The following NPAS3 variants were observed in gnomAD, a reference collection of about 807,000 sequenced individuals.
NPAS3 encodes neuronal PAS domain-containing protein 3.
Under a neutral mutation model 73.1 loss-of-function variants are expected in NPAS3, and 14 were observed. That is an observed-to-expected ratio of 0.19 (90% CI 0.13 to 0.30). NPAS3 has a LOEUF of 0.30. Among genes scored for constraint, NPAS3 ranks in the 10% least tolerant of loss-of-function variants. The pLI, the probability that NPAS3 is intolerant of heterozygous loss-of-function variation, is 1.00. For synonymous variants in NPAS3, 620 were observed against 541.5 expected (o/e 1.14, Z -2.01); for missense variants, 1,096 against 1,250.0 (o/e 0.88, Z 1.86).
chr14:32,975,869 G>T (rs1179263354), intron 1 of NPAS3, among the ~76,000 whole-genome samples: 2 of 101,846 alleles, frequency 2.0e-5, no homozygotes, highest in African/African-American at 5.8e-5. Flanking sequence ...GCGTGTGTGT[G>T]TGTGTGTGTG....
chr14:33,399,923 G>A (rs1050916664), intron 4 of NPAS3, among the ~76,000 whole-genome samples: 4 of 151,850 alleles, frequency 2.6e-5, no homozygotes, highest in Non-Finnish European at 4.4e-5. Flanking sequence ...TCTGTACTTC[G>A]GTTTCCTCAA....
chr14:33,798,489 A>G (rs956883025), intron 11 of NPAS3, among the ~76,000 whole-genome samples: 7 of 152,210 alleles, frequency 4.6e-5, no homozygotes, highest in African/African-American at 1.7e-4. Context: ...TCTTCCCTCC[A>G]TGTTCAGACG....
At chr14:33,165,910 C>T (rs1328672401) in intron 2 of NPAS3, among the ~76,000 whole-genome samples, 1 of 152,112 alleles carries the variant, frequency 6.6e-6, no homozygotes, top group Non-Finnish European at 1.5e-5. Flanking sequence ...TACTTTGTGT[C>T]CCCCCATCCC....
chr14:33,517,087 T>C (rs1187150683), intron 4 of NPAS3, among the ~76,000 whole-genome samples: 1 of 152,068 alleles, frequency 6.6e-6, no homozygotes, highest in Non-Finnish European at 1.5e-5. Flanking sequence ...GCTTCTTGGA[T>C]TAGGTATTCA....
chr14:33,007,632 C>T (rs916489093), intron 1 of NPAS3, among the ~76,000 whole-genome samples: 1 of 152,162 alleles, frequency 6.6e-6, no homozygotes, highest in Non-Finnish European at 1.5e-5. Flanking sequence ...ACATGCTTTA[C>T]ACTTAAAATA....
intron 5 of NPAS3, among the ~76,000 whole-genome samples, chr14:33,598,084 T>A (rs1283752772): frequency 6.6e-6 from 1 of 152,204 alleles, no homozygotes; most frequent in Non-Finnish European, 1.5e-5. Flanking sequence ...TAGGAAGTCC[T>A]TTCTCTTGAA....
intron 3 of NPAS3, among the ~76,000 whole-genome samples, chr14:33,259,092 C>T (rs1337361258): frequency 1.3e-5 from 2 of 152,188 alleles, no homozygotes; most frequent in Admixed American, 6.5e-5. Context: ...GGATTACAGG[C>T]GTGAGCCACT....
chr14:32,938,528 G>C (rs1202360312), upstream of NPAS3, among the ~76,000 whole-genome samples: 3 of 34,994 alleles, frequency 8.6e-5, no homozygotes, highest in East Asian at 5.2e-4. Context: ...AGAGAGAAGG[G>C]GGGGGAGGTG....
At chr14:33,274,323 G>A (rs1342668859) in intron 3 of NPAS3, among the ~76,000 whole-genome samples, 2 of 152,156 alleles carry the variant, frequency 1.3e-5, no homozygotes, top group Non-Finnish European at 2.9e-5. Flanking sequence ...GGCAGCATTA[G>A]GCTAAATTGA....
chr14:33,197,863 C>T (rs1045964850), intron 2 of NPAS3, among the ~76,000 whole-genome samples: 4 of 152,238 alleles, frequency 2.6e-5, no homozygotes, highest in Admixed American at 6.5e-5. Context: ...TCACTGACTT[C>T]AAGAACGAAG....
chr14:33,611,974 C>A (rs954336986), intron 5 of NPAS3, among the ~76,000 whole-genome samples: 2 of 152,072 alleles, frequency 1.3e-5, no homozygotes, highest in African/African-American at 4.8e-5. Context: ...TCTATCACTC[C>A]AGCAGAGACG....
Position 33,017,184 on chromosome 14 carries a change from G to C in NPAS3, c.51-38721G>C, listed in dbSNP as rs1483458880. 2.0e-5 allele frequency among the ~76,000 whole-genome samples: 3 copies of C among 152,126 alleles called. No individual in the cohort carries two copies. In the South Asian group the frequency reaches 6.2e-4, roughly 32 times the overall value. On this transcript the variant is annotated intron_variant, in intron 1 of 11. Coordinates refer to ENST00000356141, the Ensembl canonical transcript of NPAS3. ...AAGAGGAGAGATGAGCCAATTTCTT[G>C]ATATTTTGCAACAAATGGATGCCTA...
intron 5 of NPAS3, among the ~76,000 whole-genome samples, chr14:33,673,697 T>C (rs767334172): frequency 1.3e-5 from 2 of 152,188 alleles, no homozygotes; most frequent in Non-Finnish European, 2.9e-5. Context: ...CTGGCACCAT[T>C]CCCAAGGAAC....
At chr14:33,228,173 A>T (rs2047707413) in intron 3 of NPAS3, among the ~76,000 whole-genome samples, 1 of 152,222 alleles carries the variant, frequency 6.6e-6, no homozygotes, top group African/African-American at 2.4e-5. Flanking sequence ...TTATGGTTTT[A>T]AAATGATATT....
intron 2 of NPAS3, among the ~76,000 whole-genome samples, chr14:33,184,077 G>C (rs908418764): frequency 6.6e-6 from 1 of 152,162 alleles, no homozygotes; most frequent in Non-Finnish European, 1.5e-5. Flanking sequence ...AGTACCCTGA[G>C]CTATAGTTCC....
At chr14:33,268,365 G>T (rs574368597) in intron 3 of NPAS3, among the ~76,000 whole-genome samples, 1 of 152,158 alleles carries the variant, frequency 6.6e-6, no homozygotes, top group African/African-American at 2.4e-5. Flanking sequence ...AGAAGATTTT[G>T]TAAATAAAAC....
intron 2 of NPAS3, among the ~76,000 whole-genome samples, chr14:33,133,769 A>G (rs2043728060): frequency 1.3e-5 from 2 of 152,080 alleles, no homozygotes; most frequent in African/African-American, 2.4e-5. Flanking sequence ...CTTTTTTCCT[A>G]GAGGTTTACA....
chr14:33,348,979 T>G (rs533606171), intron 3 of NPAS3, among the ~76,000 whole-genome samples: 7 of 152,276 alleles, frequency 4.6e-5, no homozygotes, highest in Admixed American at 3.3e-4. Context: ...GCCAGGGTCC[T>G]CTCATTGCCC....
intron 1 of NPAS3, among the ~76,000 whole-genome samples, chr14:33,014,022 A>G (rs2184625): frequency 0.83 from 126,869 of 152,144 alleles, 52,964 homozygotes; most frequent in Middle Eastern, 0.89. Context: ...AGTGAACAAC[A>G]AAAATAATTT....
Sources: gnomAD v4.1 joint callset for allele counts (sites outside exome capture counted in the v4.1 genomes callset) on GRCh38, gnomAD v4.1.1 for gene constraint, MANE v1.5 for transcripts, NCBI Gene and HGNC (gene_info 2026-07-23, HGNC 2026-07-21) for gene names.